Variants in LAMA2 observed in about 807,000 individuals in gnomAD.
LAMA2 encodes the protein laminin subunit alpha 2.
LAMA2 carries 269 observed loss-of-function variants against 364.8 expected under a neutral mutation model. That is an observed-to-expected ratio of 0.74 (90% CI 0.67 to 0.82). The LOEUF (loss-of-function observed/expected upper bound fraction) is 0.82, where lower values mean the gene tolerates loss of function less well. LAMA2 is among the 40% of genes least tolerant of loss of function. The pLI, the probability that LAMA2 is intolerant of heterozygous loss-of-function variation, is 0.00. For missense variants in LAMA2, 3,807 were observed against 3,873.2 expected (o/e 0.98, Z 0.45); for synonymous variants, 1,379 against 1,370.6 (o/e 1.01, Z -0.14).
intron 2 of LAMA2, among the ~76,000 whole-genome samples, chr6:129,058,889 A>G (rs1788680319): frequency 6.6e-6 from 1 of 152,240 alleles, no homozygotes; most frequent in African/African-American, 2.4e-5. Context: ...GAAGATGGGG[A>G]AAATATGGCA....
At chr6:129,377,572 C>T (rs974532994) in intron 34 of LAMA2, among the ~76,000 whole-genome samples, 5 of 152,134 alleles carry the variant, frequency 3.3e-5, no homozygotes, top group African/African-American at 1.2e-4. Flanking sequence ...ATGAGTGCTT[C>T]ACTACCACTT....
intron 4 of LAMA2, among the ~76,000 whole-genome samples, chr6:129,125,131 G>C (rs186079465): frequency 2.0e-5 from 3 of 152,330 alleles, no homozygotes; most frequent in Admixed American, 6.5e-5. Context: ...GAATGAGATG[G>C]CTGAGGGATG....
At chr6:129,465,497 C>A (rs1352947884) in intron 51 of LAMA2, among the ~76,000 whole-genome samples, 2 of 151,880 alleles carry the variant, frequency 1.3e-5, no homozygotes, top group Non-Finnish European at 2.9e-5. Context: ...CTATCATTTT[C>A]TTTTGAAACT....
At position 129,401,128 on chromosome 6, in the gene LAMA2, T is replaced by C. The variant is rs1779945390; in HGVS notation, c.5446-96T>C. The stretch of plus-strand genomic sequence containing the variant: ...TTTCAACATGATGTACCTTTTTTGC[T>C]AAGCTTTTATTCAAACAGCTCAGGA... On this transcript the variant is annotated intron_variant, in intron 37 of 64. Coordinates refer to ENST00000421865, the MANE Select transcript of LAMA2 (RefSeq NM_000426.4). The C allele has an allele frequency of 5.9e-6, 5 of 842,788 alleles. No individual in the cohort carries two copies. In the East Asian group the frequency reaches 9.7e-5, roughly 16 times the overall value. The allele number at this position is 842,788 out of a possible 1,614,324, so 52.2% of individuals were successfully genotyped here.
chr6:129,159,305 C>T (rs9482990), intron 8 of LAMA2, among the ~76,000 whole-genome samples: 2,787 of 152,292 alleles, frequency 0.018, 106 homozygotes, highest in African/African-American at 0.063. Flanking sequence ...ACTGTACTTC[C>T]GATTTTCTCC....
chr6:129,112,376 C>G (rs1007154727), intron 4 of LAMA2, among the ~76,000 whole-genome samples: 2 of 151,802 alleles, frequency 1.3e-5, no homozygotes, highest in Non-Finnish European at 2.9e-5. Flanking sequence ...GAAAGATAAA[C>G]TTTTGTGTTG....
chr6:129,123,037 C>CA (rs1197799982), intron 4 of LAMA2, among the ~76,000 whole-genome samples: 1 of 152,138 alleles, frequency 6.6e-6, no homozygotes, highest in African/African-American at 2.4e-5. Context: ...TGTGGTGGCT[C>CA]AAGCCTGTAA....
chr6:129,025,256 A>C (rs1439163980), intron 1 of LAMA2, among the ~76,000 whole-genome samples: 1 of 152,180 alleles, frequency 6.6e-6, no homozygotes, highest in Non-Finnish European at 1.5e-5. Context: ...AGTTACAAAA[A>C]ATTTTTTTTT....
At chr6:128,883,616 A>G (rs1361734095) in intron 1 of LAMA2, among the ~76,000 whole-genome samples, 2 of 152,084 alleles carry the variant, frequency 1.3e-5, no homozygotes, top group African/African-American at 4.8e-5. Context: ...TCTTGCTATC[A>G]CGATACATCC....
intron 1 of LAMA2, among the ~76,000 whole-genome samples, chr6:128,977,705 C>A (rs1158384827): frequency 6.6e-6 from 1 of 152,186 alleles, no homozygotes; most frequent in Non-Finnish European, 1.5e-5. Context: ...AATCAGGTTT[C>A]GGTTGAGACA....
rs1787073014 is a variant in LAMA2 at position 129,260,838 on chromosome 6, T to C, written c.2208+16T>C. On this transcript the variant is annotated intron_variant, in intron 15 of 64. Coordinates refer to ENST00000421865, the MANE Select transcript of LAMA2 (RefSeq NM_000426.4). ...CTCTTGTGAAGTAAGCTTGCAAGAA[T>C]GTATCCTTAGTGCTTTCAAAGTTCC... 6.9e-7 allele frequency: 1 copy of C among 1,451,040 alleles called. No homozygotes were observed. Among genetic ancestry groups the C allele is most frequent in the East Asian group, 2.3e-5 (1 of 44,078 alleles). The allele number at this position is 1,451,040 out of a possible 1,614,324, so 89.9% of individuals were successfully genotyped here. A position where few individuals can be genotyped will look rare whatever the true frequency, so the allele number is the denominator to read the frequency against.
chr6:129,505,429 G>A (rs1562632111), intron 61 of LAMA2, 74 bp downstream of exon 61: 9 of 1,237,236 alleles, frequency 7.3e-6, no homozygotes. Flanking sequence ...GACTTATTAG[G>A]TCACATGGGC....
chr6:129,245,031 A>T (rs748329513), intron 12 of LAMA2, among the ~76,000 whole-genome samples: 2 of 152,164 alleles, frequency 1.3e-5, no homozygotes, highest in Non-Finnish European at 2.9e-5. Flanking sequence ...GAAGCTGAAG[A>T]ACAGGAAAGT....
intron 19 of LAMA2, among the ~76,000 whole-genome samples, chr6:129,289,114 T>A (rs572607598): frequency 6.6e-6 from 1 of 152,320 alleles, no homozygotes; most frequent in South Asian, 2.1e-4. Context: ...TAATGATAAT[T>A]CATTGAATCA....
intron 1 of LAMA2, among the ~76,000 whole-genome samples, chr6:129,024,941 T>G (rs972390762): frequency 6.6e-6 from 1 of 152,064 alleles, no homozygotes; most frequent in Admixed American, 6.6e-5. Context: ...GCCTGGGCAG[T>G]GTAGCAAGAC....
intron 12 of LAMA2, among the ~76,000 whole-genome samples, chr6:129,224,331 C>T (rs1213540562): frequency 6.6e-6 from 1 of 152,128 alleles, no homozygotes; most frequent in African/African-American, 2.4e-5. Flanking sequence ...ATTAAATACC[C>T]TTCATTACTT....
intron 19 of LAMA2, among the ~76,000 whole-genome samples, chr6:129,290,951 TAAACTTCTGAATCTTAAA>T (rs1269616236): frequency 6.6e-6 from 1 of 152,220 alleles, no homozygotes; most frequent in African/African-American, 2.4e-5. Context: ...TGTTGTCTTT[TAAACTTCTGAATCTTAAA>T]AAAGGCATAA....
intron 4 of LAMA2, among the ~76,000 whole-genome samples, chr6:129,108,482 A>G (rs1205995831): frequency 6.6e-6 from 1 of 152,116 alleles, no homozygotes; most frequent in East Asian, 1.9e-4. Context: ...TGGCAATAGG[A>G]AATATGACCA....
intron 39 of LAMA2, 59 bp downstream of exon 39, chr6:129,402,546 C>T (rs1780041418): frequency 2.7e-6 from 4 of 1,502,666 alleles, no homozygotes; most frequent in Non-Finnish European, 3.7e-6. Flanking sequence ...AAGGTTTTGA[C>T]TAGCATAAAT....
Sources: allele counts gnomAD v4.1 joint callset (sites outside exome capture counted in the v4.1 genomes callset), GRCh38; gene constraint gnomAD v4.1.1; transcripts MANE v1.5; gene names NCBI Gene and HGNC (gene_info 2026-07-23, HGNC 2026-07-21).